Variants in MLLT1 observed in about 807,000 individuals in gnomAD.
The protein encoded by MLLT1 is MLLT1 super elongation complex subunit.
MLLT1 carries 11 observed loss-of-function variants against 55.1 expected under a neutral mutation model. That is an observed-to-expected ratio of 0.20 (90% confidence interval 0.13 to 0.33). The LOEUF is 0.33. Among genes scored for constraint, MLLT1 ranks in the 10% least tolerant of loss-of-function variants. The pLI, the probability that MLLT1 is intolerant of heterozygous loss-of-function variation, is 1.00. For missense variants in MLLT1, 536 were observed against 760.6 expected, an observed-to-expected ratio of 0.70 and a Z score of 3.47; for synonymous variants, 323 against 320.1, an observed-to-expected ratio of 1.01 and a Z score of -0.10.
Position 6,213,413 on chromosome 19 carries a change from G to T in MLLT1, c.1480-5C>A, listed in dbSNP as rs1568272838. The T allele has an allele frequency of 6.2e-7, 1 of 1,610,408 alleles. No individual in the cohort carries two copies. The highest frequency in any genetic ancestry group is 1.3e-5 in the African/African-American group (1 of 75,034). On this transcript the variant is annotated splice_polypyrimidine_tract_variant and splice_region_variant and intron_variant, in intron 10 of 11. Coordinates refer to ENST00000252674, the MANE Select transcript of MLLT1 (RefSeq NM_005934.4). ...CACCAGCTCATCCGTGTAGGCCTGGGGAGGGGGGGCAGGTCTCAGCAGCGT... is the reference window on the plus strand; with the variant it reads ...CACCAGCTCATCCGTGTAGGCCTGGTGAGGGGGGGCAGGTCTCAGCAGCGT...
chr19:6,243,158 C>T (rs998730480), intron 3 of MLLT1, among the ~76,000 whole-genome samples: 1 of 152,318 alleles, frequency 6.6e-6, no homozygotes, highest in South Asian at 2.1e-4. Context: ...GGGAACGTGG[C>T]GGGGTCACCA....
chr19:6,263,740 T>C (rs1241577619), intron 2 of MLLT1, among the ~76,000 whole-genome samples: 1 of 152,166 alleles, frequency 6.6e-6, no homozygotes, highest in Non-Finnish European at 1.5e-5. Context: ...TCAAGCCACC[T>C]GCCAGTTTCT....
Position 6,234,568 on chromosome 19 carries a change from C to A in MLLT1, c.277-3855G>T, listed in dbSNP as rs909656481. 5.3e-5 allele frequency among the ~76,000 whole-genome samples: 8 copies of A among 152,270 alleles called. 1 individual carries two copies. Among genetic ancestry groups the A allele is most frequent in the South Asian group, 4.1e-4 (2 of 4,824 alleles). On this transcript the variant is annotated intron_variant, in intron 3 of 11. Coordinates refer to ENST00000252674, the MANE Select transcript of MLLT1 (RefSeq NM_005934.4). The stretch of plus-strand genomic sequence containing the variant: ...GTCCTAGCTGACCCAAGAAGGACCA[C>A]GAGAGCATCCTAGCACCTCACCATC...
chr19:6,234,360 C>T (rs1243978407), intron 3 of MLLT1, among the ~76,000 whole-genome samples: 1 of 152,234 alleles, frequency 6.6e-6, no homozygotes, highest in Non-Finnish European at 1.5e-5. Context: ...CGGTCACATC[C>T]ATGTCTCAGG....
intron 3 of MLLT1, among the ~76,000 whole-genome samples, chr19:6,239,707 T>TAC (rs1025657985): frequency 6.6e-6 from 1 of 151,502 alleles, no homozygotes; most frequent in Non-Finnish European, 1.5e-5. Flanking sequence ...CACACCCGTG[T>TAC]ACACACACAC....
chr19:6,254,020 C>T (rs1218282038), intron 3 of MLLT1, among the ~76,000 whole-genome samples: 2 of 152,222 alleles, frequency 1.3e-5, no homozygotes, highest in Non-Finnish European at 1.5e-5. Context: ...TCTTTTCGTT[C>T]GTTCATGAGG....
In MLLT1 at chr19:6,240,180, C is replaced by G. The variant is rs770844171; in HGVS notation, c.277-9467G>C. 1.3e-5 allele frequency among the ~76,000 whole-genome samples: 2 copies of G among 152,226 alleles called. No homozygotes were observed. Among genetic ancestry groups the G allele is most frequent in the Non-Finnish European group, 2.9e-5 (2 of 68,034 alleles). ...ATTAGCCCAGGCCCCTTCACGCCTG[C>G]CTGACCGCTCAGCCTGGGAGGCCAG... On this transcript the variant is annotated intron_variant, in intron 3 of 11. Transcript: ENST00000252674. This position sits in a 1 kb window ranked among gnomAD's most constrained non-coding sequence, Gnocchi z 4.7.
chr19:6,278,572 T>C (rs1481868685), intron 1 of MLLT1, among the ~76,000 whole-genome samples: 4 of 151,782 alleles, frequency 2.6e-5, no homozygotes, highest in Non-Finnish European at 4.4e-5. Context: ...GGGCGTTAGA[T>C]GAAGTGGGAG....
chr19:6,213,517 G>T, intron 10 of MLLT1, 109 bp from the exon 11 acceptor site: 1 of 1,116,198 alleles, frequency 9.0e-7, no homozygotes. Context: ...GACAGAGGTA[G>T]CCACATCCAA....
rs371100322 is a variant in MLLT1 at position 6,220,556 on chromosome 19, C to T, written c.1110+1565G>A. On this transcript the variant is annotated intron_variant, in intron 6 of 11. Coordinates refer to ENST00000252674, the MANE Select transcript of MLLT1 (RefSeq NM_005934.4). ...TCCAGCTGTTTCACAACACTGGTGG[C>T]GGGAGCCAGGAGCCAACTCACTCAC... Among the ~76,000 whole-genome samples, 43 of 152,238 alleles carry T rather than the reference C, an allele frequency of 2.8e-4. 1 individual carries two copies. Among genetic ancestry groups the T allele is most frequent in the East Asian group, 1.2e-3 (6 of 5,198 alleles).
intron 3 of MLLT1, among the ~76,000 whole-genome samples, chr19:6,250,945 C>T (rs1013009731): frequency 2.0e-5 from 3 of 152,166 alleles, no homozygotes; most frequent in Non-Finnish European, 2.9e-5. Flanking sequence ...TGCAACAACA[C>T]GGATGAACTC....
chr19:6,247,550 G>A (rs1206586256), intron 3 of MLLT1, among the ~76,000 whole-genome samples: 1 of 152,162 alleles, frequency 6.6e-6, no homozygotes, highest in African/African-American at 2.4e-5. Context: ...TACATAAATG[G>A]AAGAGAAGGG....
intron 5 of MLLT1, among the ~76,000 whole-genome samples, chr19:6,223,433 G>T (rs1368094589): frequency 6.6e-6 from 1 of 152,228 alleles, no homozygotes; most frequent in Non-Finnish European, 1.5e-5. Context: ...CTCGGGGGCT[G>T]ATCCCATTGA....
rs58076246 is a variant in MLLT1, at chr19:6,273,136, G to A, written c.13-2377C>T. Among the ~76,000 whole-genome samples the A allele has an allele frequency of 1.2e-3, 179 of 152,114 alleles. No homozygotes were observed. Among genetic ancestry groups the A allele is most frequent in the African/African-American group, 4.1e-3 (169 of 41,482 alleles). On this transcript the variant is annotated intron_variant, in intron 1 of 11. Coordinates refer to ENST00000252674, the MANE Select transcript of MLLT1 (RefSeq NM_005934.4). The surrounding 1 kb of genome is among the most constrained non-coding windows in gnomAD (Gnocchi z 4.3). ...AAGAAATAACCCGTCGTCATAAGTG[G>A]CTGACAGATATGGGAAACGGTCTCG... is the stretch of plus-strand genomic sequence containing the variant.
intron 2 of MLLT1, among the ~76,000 whole-genome samples, chr19:6,265,655 A>C (rs932702683): frequency 4.1e-5 from 6 of 145,502 alleles, no homozygotes; most frequent in Non-Finnish European, 1.5e-5. Flanking sequence ...GGGCAACAAG[A>C]GTGAAACTCT....
Position 6,212,783 on chromosome 19 carries a change from A to T in MLLT1, c.*259T>A, listed in dbSNP as rs952072869. 2 of 931,306 alleles carry T rather than the reference A, an allele frequency of 2.1e-6. No individual in the cohort carries two copies. The highest frequency in any genetic ancestry group is 1.8e-5 in the African/African-American group (1 of 56,944). The allele number at this position is 931,306 out of a possible 1,614,324, so 57.7% of individuals were successfully genotyped here. On this transcript the variant is annotated 3_prime_UTR_variant, in exon 12 of 12. Coordinates refer to ENST00000252674, the MANE Select transcript of MLLT1 (RefSeq NM_005934.4). ...GTCTCTGCCCAGAGCTGCCTTCAAC[A>T]CCAGCCGCTCTCTGAGGGGAGCCCA...
chr19:6,234,065 G>C (rs1385034833), intron 3 of MLLT1, among the ~76,000 whole-genome samples: 2 of 147,122 alleles, frequency 1.4e-5, no homozygotes, highest in African/African-American at 4.9e-5. Flanking sequence ...GAGGGGCTGG[G>C]AAGGCTCCCT....
At chr19:6,215,603 G>C (rs1429464159) in intron 8 of MLLT1, among the ~76,000 whole-genome samples, 1 of 152,214 alleles carries the variant, frequency 6.6e-6, no homozygotes, top group Non-Finnish European at 1.5e-5. Context: ...GGTGGCTTTA[G>C]TGAACAACAC....
At chr19:6,215,398 C>T (rs940239937) in intron 8 of MLLT1, among the ~76,000 whole-genome samples, 6 of 152,218 alleles carry the variant, frequency 3.9e-5, no homozygotes, top group Non-Finnish European at 8.8e-5. Flanking sequence ...GTCCCAGGGA[C>T]GCCACAGCCC....
Sources: gnomAD v4.1 joint callset for allele counts (sites outside exome capture counted in the v4.1 genomes callset) on GRCh38, gnomAD v4.1.1 for gene constraint, Gnocchi (gnomAD v3.1) non-coding constraint, MANE v1.5 for transcripts, NCBI Gene and HGNC (gene_info 2026-07-23, HGNC 2026-07-21) for gene names.